NTM: variants seen among roughly 807,000 people sequenced by gnomAD.
NTM encodes IgLON family member 2.
In NTM, 13 loss-of-function variants were observed where a neutral mutation model predicts 42.1. The observed-to-expected ratio is 0.31, with a 90% confidence interval of 0.20 to 0.49. The LOEUF (loss-of-function observed/expected upper bound fraction) is 0.49. Among genes scored for constraint, NTM ranks in the 20% least tolerant of loss-of-function variants. NTM has a pLI of 0.99. For missense variants in NTM, 373 were observed against 452.8 expected, an observed-to-expected ratio of 0.82 and a Z score of 1.60; for synonymous variants, 187 against 179.2, an observed-to-expected ratio of 1.04 and a Z score of -0.35.
intron 1 of NTM, among the ~76,000 whole-genome samples, chr11:131,772,433 G>T (rs911179759): frequency 6.6e-6 from 1 of 152,152 alleles, no homozygotes; most frequent in African/African-American, 2.4e-5. Flanking sequence ...GACCTAATCA[G>T]GTCAACCCTG....
At chr11:132,223,475 CT>C (rs1477068093) in intron 4 of NTM, among the ~76,000 whole-genome samples, 2 of 152,110 alleles carry the variant, frequency 1.3e-5, no homozygotes, top group African/African-American at 4.8e-5. Flanking sequence ...TTCACAGTGA[CT>C]GCAAAGGCAT....
chr11:132,171,415 C>A (rs1187612570), intron 3 of NTM, among the ~76,000 whole-genome samples: 3 of 152,208 alleles, frequency 2.0e-5, no homozygotes, highest in Non-Finnish European at 4.4e-5. Context: ...CGTGGGCTCA[C>A]TTCCTGGCTC....
chr11:132,052,148 G>T (rs1483424599), intron 2 of NTM, among the ~76,000 whole-genome samples: 3 of 152,190 alleles, frequency 2.0e-5, no homozygotes, highest in Non-Finnish European at 4.4e-5. Flanking sequence ...GACTGGTTTA[G>T]AAAATCCTCA....
chr11:131,809,786 A>G (rs1031414926), intron 1 of NTM, among the ~76,000 whole-genome samples: 2 of 152,220 alleles, frequency 1.3e-5, no homozygotes, highest in Non-Finnish European at 2.9e-5. Flanking sequence ...GACGTGGGCC[A>G]GGGTGCAGAG....
chr11:131,585,773 T>A (rs1425448380), intron 1 of NTM, among the ~76,000 whole-genome samples: 1 of 152,182 alleles, frequency 6.6e-6, no homozygotes, highest in Non-Finnish European at 1.5e-5. Context: ...TTTGTCCTAT[T>A]TTTTGCTTCT....
intron 1 of NTM, among the ~76,000 whole-genome samples, chr11:131,908,025 T>TCG (rs1399092678): frequency 6.6e-6 from 1 of 152,230 alleles, no homozygotes; most frequent in African/African-American, 2.4e-5. Context: ...TGAATAAAGT[T>TCG]TGGATCCCTG....
intron 2 of NTM, among the ~76,000 whole-genome samples, chr11:132,065,028 A>C (rs1566064161): frequency 6.6e-6 from 1 of 152,184 alleles, no homozygotes; most frequent in Non-Finnish European, 1.5e-5. Context: ...CTCTCACAGG[A>C]AGAGGTTAGG....
intron 1 of NTM, among the ~76,000 whole-genome samples, chr11:131,751,382 G>A (rs1034871597): frequency 6.6e-6 from 1 of 151,590 alleles, no homozygotes; most frequent in Non-Finnish European, 1.5e-5. Flanking sequence ...CGAGGTCAGG[G>A]GATCGAGACC....
At chr11:131,583,478 A>G (rs528606902) in intron 1 of NTM, among the ~76,000 whole-genome samples, 2 of 152,288 alleles carry the variant, frequency 1.3e-5, no homozygotes, top group Admixed American at 1.3e-4. Context: ...GTAATTGGGT[A>G]TTTTTCTTCT....
At chr11:132,115,665 C>A (rs1222758801) in intron 2 of NTM, among the ~76,000 whole-genome samples, 1 of 152,134 alleles carries the variant, frequency 6.6e-6, no homozygotes, top group Non-Finnish European at 1.5e-5. Context: ...AGCCAGGGAC[C>A]CAGGAGCTAT....
chr11:131,761,884 G>A (rs1301289247), intron 1 of NTM, among the ~76,000 whole-genome samples: 1 of 151,914 alleles, frequency 6.6e-6, no homozygotes, highest in African/African-American at 2.4e-5. Context: ...GAGGAAGAGC[G>A]CGCATGCTCT....
intron 4 of NTM, among the ~76,000 whole-genome samples, chr11:132,269,901 A>C (rs2093395796): frequency 6.6e-6 from 1 of 152,240 alleles, no homozygotes; most frequent in African/African-American, 2.4e-5. Context: ...ATTTACATAC[A>C]AAGACTTTCA....
At chr11:132,244,351 G>T (rs995954291) in intron 4 of NTM, among the ~76,000 whole-genome samples, 3 of 152,218 alleles carry the variant, frequency 2.0e-5, no homozygotes, top group South Asian at 2.1e-4. Context: ...ATTAAAGACA[G>T]CTGCGAGGAA....
intron 2 of NTM, among the ~76,000 whole-genome samples, chr11:131,978,899 A>C (rs1157717127): frequency 6.6e-6 from 1 of 152,136 alleles, no homozygotes; most frequent in African/African-American, 2.4e-5. Context: ...TTTATCAGAA[A>C]CACGTATTAA....
intron 1 of NTM, among the ~76,000 whole-genome samples, chr11:131,576,551 C>T (rs941331883): frequency 6.6e-6 from 1 of 152,184 alleles, no homozygotes; most frequent in Non-Finnish European, 1.5e-5. Flanking sequence ...ACTGGAGAGG[C>T]TCTAGTTCAC....
chr11:132,185,826 G>A (rs2078305560), intron 3 of NTM, among the ~76,000 whole-genome samples: 1 of 152,150 alleles, frequency 6.6e-6, no homozygotes, highest in Non-Finnish European at 1.5e-5. Context: ...GGGCTGGGTG[G>A]CATCCATTAC....
intron 1 of NTM, among the ~76,000 whole-genome samples, chr11:131,734,815 C>T (rs558203163): frequency 2.0e-4 from 31 of 152,144 alleles, no homozygotes; most frequent in Non-Finnish European, 4.3e-4. Flanking sequence ...ATTATTATAC[C>T]TCCTTTTATT....
intron 3 of NTM, among the ~76,000 whole-genome samples, chr11:132,208,226 C>T (rs542634597): frequency 6.6e-6 from 1 of 152,308 alleles, no homozygotes; most frequent in East Asian, 1.9e-4. Context: ...CACAGTGCAC[C>T]CTAATCAATT....
chr11:131,808,352 C>T (rs1157659372), intron 1 of NTM, among the ~76,000 whole-genome samples: 2 of 152,122 alleles, frequency 1.3e-5, no homozygotes, highest in African/African-American at 2.4e-5. Context: ...ATCATTTGTT[C>T]GATCAGGATT....
Sources: gnomAD v4.1 joint callset for allele counts (sites outside exome capture counted in the v4.1 genomes callset) on GRCh38, gnomAD v4.1.1 for gene constraint, MANE v1.5 for transcripts, NCBI Gene and HGNC (gene_info 2026-07-23, HGNC 2026-07-21) for gene names.